Variants in GPC6 observed in about 807,000 individuals in gnomAD.
The protein encoded by GPC6 is glypican-6.
GPC6 carries 14 observed loss-of-function variants against 55.2 expected under a neutral mutation model. That is an observed-to-expected ratio of 0.25 (90% confidence interval 0.17 to 0.40). GPC6 has a LOEUF of 0.40. GPC6 is among the 10% of genes least tolerant of loss of function. The probability of loss-of-function intolerance (pLI) is 1.00; values close to 1 mark genes in which losing one functional copy is unlikely to be tolerated. For synonymous variants in GPC6, 278 were observed against 259.6 expected (o/e 1.07, Z -0.68); for missense variants, 641 against 708.5 (o/e 0.90, Z 1.08).
intron 2 of GPC6, among the ~76,000 whole-genome samples, chr13:93,759,864 T>A (rs1884900924): frequency 6.6e-6 from 1 of 151,868 alleles, no homozygotes; most frequent in Non-Finnish European, 1.5e-5. Context: ...GATTCCTTGA[T>A]CATGGTTCCA....
At chr13:94,216,599 C>CA (rs1890231217) in intron 4 of GPC6, among the ~76,000 whole-genome samples, 1 of 152,142 alleles carries the variant, frequency 6.6e-6, no homozygotes, top group South Asian at 2.1e-4. Flanking sequence ...CCTCAGCTGG[C>CA]AGGGAACACC....
chr13:93,572,442 G>T (rs112775757), intron 2 of GPC6, among the ~76,000 whole-genome samples: 270 of 152,124 alleles, frequency 1.8e-3, no homozygotes, highest in African/African-American at 6.0e-3. Flanking sequence ...CACATCACAG[G>T]TAGCTTGTTA....
At chr13:94,143,453 C>CA (rs1887454102) in intron 4 of GPC6, among the ~76,000 whole-genome samples, 1 of 152,078 alleles carries the variant, frequency 6.6e-6, no homozygotes, top group African/African-American at 2.4e-5. Flanking sequence ...ATATGATAGT[C>CA]AAAAATCATA....
chr13:93,781,543 G>A (rs1885651523), intron 2 of GPC6, among the ~76,000 whole-genome samples: 1 of 152,072 alleles, frequency 6.6e-6, no homozygotes, highest in African/African-American at 2.4e-5. Flanking sequence ...AAAATTCCCT[G>A]TCAGAAGCAT....
intron 3 of GPC6, among the ~76,000 whole-genome samples, chr13:93,995,394 T>C (rs1204027428): frequency 2.0e-5 from 3 of 151,882 alleles, no homozygotes; most frequent in African/African-American, 7.3e-5. Flanking sequence ...TGCCATGTTG[T>C]CCAGGCTGGT....
At chr13:93,566,721 C>T (rs967978456) in intron 2 of GPC6, among the ~76,000 whole-genome samples, 1 of 151,456 alleles carries the variant, frequency 6.6e-6, no homozygotes, top group Admixed American at 6.6e-5. Flanking sequence ...CCCTTGCCCC[C>T]TCCCCTTGAC....
rs139268855 is a variant in GPC6, at chr13:93,875,292, G to A, written c.711+44747G>A. Among the ~76,000 whole-genome samples, 639 of 151,904 alleles carry A rather than the reference G, an allele frequency of 4.2e-3. 7 individuals are homozygous for A. Among genetic ancestry groups the A allele is most frequent in the African/African-American group, 0.014 (601 of 41,468 alleles). On this transcript the variant is annotated intron_variant, in intron 3 of 8. Coordinates refer to ENST00000377047, the MANE Select transcript of GPC6 (RefSeq NM_005708.5). ...CACCTAATTCTACTTCTATTTACCC[G>A]CAAAATATGGCTTTGTTTAAGATGA...
At chr13:93,668,388 A>G (rs1402597472) in intron 2 of GPC6, among the ~76,000 whole-genome samples, 1 of 152,216 alleles carries the variant, frequency 6.6e-6, no homozygotes, top group African/African-American at 2.4e-5. Flanking sequence ...TGATGATGAT[A>G]TTAAATAATT....
At chr13:94,160,807 G>C (rs1888134254) in intron 4 of GPC6, among the ~76,000 whole-genome samples, 1 of 152,018 alleles carries the variant, frequency 6.6e-6, no homozygotes, top group Non-Finnish European at 1.5e-5. Context: ...AAACAAATTT[G>C]TCAATTATTT....
rs968726679 is a variant in GPC6 at position 93,769,483 on chromosome 13, G to A, written c.320-60671G>A. Among the ~76,000 whole-genome samples, 8 of 150,620 alleles carry A rather than the reference G, an allele frequency of 5.3e-5. 1 individual carries two copies. Among genetic ancestry groups the A allele is most frequent in the South Asian group, 2.1e-4 (1 of 4,744 alleles). On this transcript the variant is annotated intron_variant, in intron 2 of 8. Coordinates refer to ENST00000377047, the MANE Select transcript of GPC6 (RefSeq NM_005708.5). ...AAAAAGCAGCAGGGAGAAGATGTGC[G>A]CAGAGTCTGGGAGGATCACCTTTCT...
intron 2 of GPC6, among the ~76,000 whole-genome samples, chr13:93,721,842 G>A (rs1883465035): frequency 6.6e-6 from 1 of 151,522 alleles, no homozygotes; most frequent in South Asian, 2.1e-4. Context: ...ACATATTAAG[G>A]CAATCTTTTG....
chr13:94,395,024 A>G (rs996024550), intron 7 of GPC6, among the ~76,000 whole-genome samples: 6 of 152,222 alleles, frequency 3.9e-5, no homozygotes, highest in African/African-American at 1.4e-4. Flanking sequence ...GTACAACTGC[A>G]GGAGTCATTT....
chr13:93,275,222 T>C (rs1284550925), intron 1 of GPC6, among the ~76,000 whole-genome samples: 1 of 152,192 alleles, frequency 6.6e-6, no homozygotes, highest in Non-Finnish European at 1.5e-5. Context: ...AAGTTCCTAA[T>C]GGTTATTTTT....
chr13:94,190,454 C>G (rs1889353872), intron 4 of GPC6, among the ~76,000 whole-genome samples: 1 of 152,128 alleles, frequency 6.6e-6, no homozygotes, highest in African/African-American at 2.4e-5. Context: ...GCCTGGCACA[C>G]CAAATGATCC....
intron 2 of GPC6, among the ~76,000 whole-genome samples, chr13:93,583,285 C>T (rs1877020396): frequency 6.6e-6 from 1 of 152,136 alleles, no homozygotes; most frequent in African/African-American, 2.4e-5. Flanking sequence ...AGTCAACCTT[C>T]TGTATCTCTT....
the GPC6 span, among the ~76,000 whole-genome samples, chr13:93,221,554 T>C: frequency 6.6e-6 from 1 of 152,202 alleles, no homozygotes; most frequent in Non-Finnish European, 1.5e-5. Flanking sequence ...ATAATTTTAA[T>C]TGGTTTATAT....
intron 4 of GPC6, among the ~76,000 whole-genome samples, chr13:94,263,496 G>A (rs749842797): frequency 1.4e-4 from 22 of 152,054 alleles, no homozygotes; most frequent in Non-Finnish European, 2.5e-4. Flanking sequence ...CTCTGCTTTC[G>A]ATCAATTTTT....
At position 93,449,857 on chromosome 13, in the gene GPC6, G is replaced by C. The variant is rs8000827; in HGVS notation, c.161-95406G>C. 3.5e-3 allele frequency among the ~76,000 whole-genome samples: 522 copies of C among 151,208 alleles called. 5 individuals are homozygous for C. The highest frequency in any genetic ancestry group is 0.012 in the African/African-American group (503 of 41,308). On this transcript the variant is annotated intron_variant, in intron 1 of 8. Coordinates refer to ENST00000377047, the MANE Select transcript of GPC6 (RefSeq NM_005708.5). ...AAGAGTAAAGTATAAAAATTGCAGA[G>C]TAGATCCAGTTTTCCAAAAAGAACT...
At position 93,420,558 on chromosome 13, in the gene GPC6, T is replaced by C. The variant is rs558304664; in HGVS notation, c.161-124705T>C. On this transcript the variant is annotated intron_variant, in intron 1 of 8. Coordinates refer to ENST00000377047, the MANE Select transcript of GPC6 (RefSeq NM_005708.5). ...TTTTGCTGGACCTTGAAGACTATGA[T>C]ATGGAATTTGGATTTTTAATTACAA... Among the ~76,000 whole-genome samples the C allele has an allele frequency of 4.6e-5, 7 of 152,272 alleles. No individual in the cohort carries two copies. In the South Asian group the frequency reaches 1.5e-3, roughly 32 times the overall value.
Sources: gnomAD v4.1 joint callset for allele counts (sites outside exome capture counted in the v4.1 genomes callset) on GRCh38, gnomAD v4.1.1 for gene constraint, MANE v1.5 for transcripts, NCBI Gene and HGNC (gene_info 2026-07-23, HGNC 2026-07-21) for gene names.